Variants in PHF24 observed in about 807,000 individuals in gnomAD.
PHF24 encodes PHD finger protein 24.
In PHF24, 25 loss-of-function variants were observed where a neutral mutation model predicts 42.6. The ratio of observed to expected loss-of-function variants is 0.59; its 90% CI spans 0.43 to 0.82. The LOEUF (loss-of-function observed/expected upper bound fraction) is 0.82. PHF24 is among the 40% of genes least tolerant of loss of function. The probability of loss-of-function intolerance (pLI) is 0.00; values close to 1 mark genes in which losing one functional copy is unlikely to be tolerated. For missense variants in PHF24, 470 were observed against 538.1 expected, an observed-to-expected ratio of 0.87 and a Z score of 1.25; for synonymous variants, 185 against 204.8, an observed-to-expected ratio of 0.90 and a Z score of 0.83.
the PHF24 span, among the ~76,000 whole-genome samples, chr9:34,875,928 A>ACTCTCTCT: frequency 1.4e-5 from 1 of 72,236 alleles, no homozygotes; most frequent in African/African-American, 5.3e-5. Context: ...ACACACACAC[A>ACTCTCTCT]CACACACACA....
At chr9:34,744,443 A>G in the PHF24 span, among the ~76,000 whole-genome samples, 1 of 152,228 alleles carries the variant, frequency 6.6e-6, no homozygotes, top group Non-Finnish European at 1.5e-5. Context: ...GTAGGTTGCA[A>G]CCTGGCTCAG....
chr9:34,733,522 G>A, the PHF24 span, among the ~76,000 whole-genome samples: 4 of 147,156 alleles, frequency 2.7e-5, no homozygotes, highest in South Asian at 2.2e-4. Flanking sequence ...TTTTTGAGAC[G>A]GAGTCTCACT....
chr9:34,918,327 C>G, the PHF24 span: 12 of 865,496 alleles, frequency 1.4e-5, no homozygotes, highest in Non-Finnish European at 2.4e-5. Context: ...TCGAGCCCCT[C>G]CTAGTTCTTC....
chr9:34,778,559 C>T, the PHF24 span, among the ~76,000 whole-genome samples: 1 of 152,262 alleles, frequency 6.6e-6, no homozygotes, highest in South Asian at 2.1e-4. Flanking sequence ...GGGTCAATCC[C>T]TCAGGAAGAT....
the PHF24 span, among the ~76,000 whole-genome samples, chr9:34,876,078 A>G: frequency 6.6e-6 from 1 of 152,022 alleles, no homozygotes; most frequent in Non-Finnish European, 1.5e-5. Flanking sequence ...CCAGATGTTT[A>G]TGACAGAAAG....
At chr9:34,860,974 G>A in the PHF24 span, among the ~76,000 whole-genome samples, 1 of 152,158 alleles carries the variant, frequency 6.6e-6, no homozygotes, top group Non-Finnish European at 1.5e-5. Context: ...TACATGCAGA[G>A]AGGTAGGGGG....
chr9:34,974,469 T>A (rs982440330), intron 3 of PHF24, among the ~76,000 whole-genome samples: 1 of 152,230 alleles, frequency 6.6e-6, no homozygotes, highest in Non-Finnish European at 1.5e-5. Context: ...CCCACCTCAG[T>A]GGTGTAACCA....
At chr9:34,719,778 T>C in the PHF24 span, among the ~76,000 whole-genome samples, 10 of 152,204 alleles carry the variant, frequency 6.6e-5, no homozygotes, top group South Asian at 2.1e-4. Context: ...TCTAGCTGTG[T>C]GGCTGCCTGC....
chr9:34,838,512 A>G, the PHF24 span: 9 of 1,332,982 alleles, frequency 6.8e-6, no homozygotes, highest in South Asian at 1.0e-4. Context: ...CCTCATTAGC[A>G]TGAGATCAGC....
chr9:34,751,130 C>T, the PHF24 span, among the ~76,000 whole-genome samples: 1 of 152,050 alleles, frequency 6.6e-6, no homozygotes, highest in Non-Finnish European at 1.5e-5. Context: ...TTTGGGAGGC[C>T]GAGGAGGGTG....
At chr9:34,673,930 A>C in the PHF24 span, among the ~76,000 whole-genome samples, 1 of 151,726 alleles carries the variant, frequency 6.6e-6, no homozygotes, top group Admixed American at 6.6e-5. Flanking sequence ...CAGCCTGGCT[A>C]ATTTTTGTAG....
At chr9:34,727,907 T>C in the PHF24 span, 1 of 947,378 alleles carries the variant, frequency 1.1e-6, no homozygotes, top group Non-Finnish European at 1.5e-6. Flanking sequence ...CTGCTTCCAC[T>C]GTGTATGTCT....
the PHF24 span, among the ~76,000 whole-genome samples, chr9:34,823,113 G>A: frequency 5.3e-5 from 8 of 150,220 alleles, no homozygotes; most frequent in South Asian, 2.1e-4. Flanking sequence ...GGAGAATGGC[G>A]TGAACCCGGG....
the PHF24 span, among the ~76,000 whole-genome samples, chr9:34,938,642 G>A: frequency 6.6e-6 from 1 of 152,164 alleles, no homozygotes; most frequent in Non-Finnish European, 1.5e-5. Context: ...AAAGCCATGA[G>A]CCTGTTGCTG....
chr9:34,692,747 G>GCACAATAA, the PHF24 span, among the ~76,000 whole-genome samples: 1 of 151,092 alleles, frequency 6.6e-6, no homozygotes, highest in African/African-American at 2.4e-5. Flanking sequence ...AGAGGCTGAC[G>GCACAATAA]CACAATAAGC....
At chr9:34,690,627 A>G in the PHF24 span, among the ~76,000 whole-genome samples, 13 of 151,810 alleles carry the variant, frequency 8.6e-5, no homozygotes, top group Admixed American at 2.0e-4. Flanking sequence ...TGCCCTGATC[A>G]CCCCAACCTC....
At chr9:34,703,107 C>T in the PHF24 span, among the ~76,000 whole-genome samples, 15 of 152,184 alleles carry the variant, frequency 9.9e-5, no homozygotes, top group Non-Finnish European at 2.1e-4. Context: ...GACCCCACCC[C>T]TCTGACTCCC....
chr9:34,724,077 T>C, the PHF24 span: 1 of 1,525,054 alleles, frequency 6.6e-7, no homozygotes, highest in Non-Finnish European at 8.8e-7. Context: ...CTGGCTGCTT[T>C]GGTTTCCTCT....
At chr9:34,792,138 T>C in the PHF24 span, among the ~76,000 whole-genome samples, 1 of 152,204 alleles carries the variant, frequency 6.6e-6, no homozygotes, top group Non-Finnish European at 1.5e-5. Flanking sequence ...TACATCCCTA[T>C]TGATAGGGAG....
Sources: gnomAD v4.1 joint callset for allele counts (sites outside exome capture counted in the v4.1 genomes callset) on GRCh38, gnomAD v4.1.1 for gene constraint, MANE v1.5 for transcripts, NCBI Gene and HGNC (gene_info 2026-07-23, HGNC 2026-07-21) for gene names.